The following MTHFD1 variants were observed in gnomAD, a reference collection of about 807,000 sequenced individuals.
The protein encoded by MTHFD1 is C-1-tetrahydrofolate synthase, cytoplasmic.
MTHFD1 carries 44 observed loss-of-function variants against 110.3 expected under a neutral mutation model. The observed-to-expected ratio is 0.40, with a 90% CI of 0.31 to 0.51. The LOEUF (loss-of-function observed/expected upper bound fraction) is 0.51. MTHFD1 is among the 20% of genes least tolerant of loss of function. The probability of loss-of-function intolerance (pLI) is 0.60; values close to 1 mark genes in which losing one functional copy is unlikely to be tolerated. For missense variants in MTHFD1, 909 were observed against 1,173.1 expected, an observed-to-expected ratio of 0.77 and a Z score of 3.29; for synonymous variants, 402 against 428.8, an observed-to-expected ratio of 0.94 and a Z score of 0.77.
chr14:64,446,174 A>G (rs1190927508), intron 22 of MTHFD1, among the ~76,000 whole-genome samples: 1 of 152,230 alleles, frequency 6.6e-6, no homozygotes, highest in African/African-American at 2.4e-5. Context: ...AGAATGTAAT[A>G]TATGTGAGTT....
At chr14:64,456,788 G>A (rs1336710187) in intron 26 of MTHFD1, among the ~76,000 whole-genome samples, 31 of 152,202 alleles carry the variant, frequency 2.0e-4, no homozygotes, top group Non-Finnish European at 1.5e-5. Context: ...TTGGTACTCA[G>A]AAGTCAGTCA....
At chr14:64,395,600 G>A (rs2077841711) in intron 1 of MTHFD1, among the ~76,000 whole-genome samples, 4 of 152,236 alleles carry the variant, frequency 2.6e-5, no homozygotes, top group African/African-American at 7.2e-5. Flanking sequence ...AACCTAGTCC[G>A]TTTATTGCAT....
intron 9 of MTHFD1, 26 bp downstream of exon 9, chr14:64,424,957 A>G: frequency 6.2e-7 from 1 of 1,614,020 alleles, no homozygotes; most frequent in Non-Finnish European, 8.5e-7. Flanking sequence ...AGTTTCTATA[A>G]GAGTTCTGAA....
intron 2 of MTHFD1, among the ~76,000 whole-genome samples, chr14:64,403,369 G>T (rs2077913841): frequency 6.6e-6 from 1 of 151,906 alleles, no homozygotes; most frequent in African/African-American, 2.4e-5. Flanking sequence ...TTGCCTCCTG[G>T]GTTCAAGTGA....
chr14:64,450,439 C>G (rs922270961), intron 24 of MTHFD1, among the ~76,000 whole-genome samples: 1 of 152,154 alleles, frequency 6.6e-6, no homozygotes, highest in African/African-American at 2.4e-5. Context: ...CTCCAGGAAG[C>G]TTCATCATTT....
At chr14:64,413,591 A>G (rs564802842) in intron 4 of MTHFD1, among the ~76,000 whole-genome samples, 24 of 152,334 alleles carry the variant, frequency 1.6e-4, no homozygotes, top group Admixed American at 1.6e-3. Flanking sequence ...CACTAGCCCC[A>G]TGAGGCTATT....
chr14:64,457,044 TAGTG>T (rs1391139581), intron 26 of MTHFD1, among the ~76,000 whole-genome samples: 1 of 152,154 alleles, frequency 6.6e-6, no homozygotes, highest in Non-Finnish European at 1.5e-5. Context: ...TTTAGAAAAG[TAGTG>T]AGTACAAATA....
chr14:64,457,947 A>G (rs2078501945), intron 26 of MTHFD1: 2 of 558,650 alleles, frequency 3.6e-6, no homozygotes, highest in East Asian at 3.0e-5. Flanking sequence ...CGCCCAGGCA[A>G]TCGGATGATC....
intron 1 of MTHFD1, chr14:64,390,283 T>G (rs2077793795): frequency 6.6e-6 from 1 of 152,098 alleles, no homozygotes; most frequent in Non-Finnish European, 1.5e-5. Context: ...TAATCAGTAA[T>G]TAGTTAATGT....
intron 1 of MTHFD1, among the ~76,000 whole-genome samples, chr14:64,399,656 CAAAAA>C (rs34735594): frequency 3.5e-5 from 4 of 113,182 alleles, no homozygotes; most frequent in African/African-American, 3.8e-5. Flanking sequence ...GTCCCCATCT[CAAAAA>C]AAAAAAAAAA....
At chr14:64,442,000 T>G in intron 19 of MTHFD1, 54 bp from the exon 20 acceptor site, 1 of 1,157,002 alleles carries the variant, frequency 8.6e-7, no homozygotes, top group Non-Finnish European at 1.3e-6. Flanking sequence ...GAATGTGTGA[T>G]CCCACTTTGA....
At chr14:64,393,379 C>T (rs1005592052) in intron 1 of MTHFD1, among the ~76,000 whole-genome samples, 1 of 151,922 alleles carries the variant, frequency 6.6e-6, no homozygotes, top group African/African-American at 2.4e-5. Context: ...TGCACTCCAG[C>T]CTGGGCAACA....
chr14:64,446,652 C>T (rs1020690277), intron 22 of MTHFD1, among the ~76,000 whole-genome samples: 20 of 152,180 alleles, frequency 1.3e-4, no homozygotes, highest in African/African-American at 3.4e-4. Context: ...CACCATTCTC[C>T]TGCCTCAGCC....
intron 7 of MTHFD1, among the ~76,000 whole-genome samples, chr14:64,419,498 C>T (rs1381839545): frequency 6.6e-6 from 1 of 152,224 alleles, no homozygotes; most frequent in East Asian, 1.9e-4. Flanking sequence ...GGAGAAGGAG[C>T]AGTGTCTGGA....
intron 1 of MTHFD1, among the ~76,000 whole-genome samples, chr14:64,394,352 C>T (rs976054043): frequency 6.6e-6 from 1 of 152,136 alleles, no homozygotes; most frequent in African/African-American, 2.4e-5. Flanking sequence ...GAATTGCAAA[C>T]TTCTACCCTC....
Position 64,454,822 on chromosome 14 carries a change from C to A in MTHFD1, c.2665C>A (p.Arg889Ser), listed in dbSNP as rs767011731. The A allele has an allele frequency of 4.3e-6, 7 of 1,614,192 alleles. No homozygotes were observed. In the South Asian group the frequency reaches 7.7e-5, roughly 18 times the overall value. Residue 889 changes from arginine (R) to serine (S), a missense_variant, in exon 26 of 28, where the codon CGC becomes AGC. Physicochemically the swap from Arg to Ser is moderately radical, Grantham distance 110. This residue lies in a region of MTHFD1 where 482 missense variants were observed against 646.0 expected (regional missense o/e 0.75). Transcript: ENST00000652337. Reference sequence around the variant, plus strand: ...CCCTACAGGCTTCATTCTGCCCATTCGCGACATCCGCGCCAGCGTTGGGGC... The same window carrying A: ...CCCTACAGGCTTCATTCTGCCCATTAGCGACATCCGCGCCAGCGTTGGGGC... ...GVPTGFILPI[R>S]DIRASVGAGF...
intron 1 of MTHFD1, among the ~76,000 whole-genome samples, chr14:64,395,782 ACAAAGGATG>A (rs1470095048): frequency 6.6e-6 from 1 of 152,180 alleles, no homozygotes; most frequent in Non-Finnish European, 1.5e-5. Flanking sequence ...AGTCCCCATA[ACAAAGGATG>A]ATCTGGTCCA....
chr14:64,420,216 T>C (rs912808877), intron 8 of MTHFD1, among the ~76,000 whole-genome samples: 5 of 152,100 alleles, frequency 3.3e-5, no homozygotes, highest in Non-Finnish European at 7.4e-5. Context: ...CACTTTATCT[T>C]CATGTAGAGA....
intron 8 of MTHFD1, among the ~76,000 whole-genome samples, chr14:64,421,537 T>C (rs914080924): frequency 2.6e-5 from 4 of 152,254 alleles, no homozygotes; most frequent in African/African-American, 9.6e-5. Context: ...TAACAGGCGA[T>C]AAAGAAATTG....
Sources: gnomAD v4.1 joint callset for allele counts (sites outside exome capture counted in the v4.1 genomes callset) on GRCh38, gnomAD v4.1.1 for gene constraint, gnomAD v4.1.1 regional missense constraint, MANE v1.5 for transcripts, NCBI Gene and HGNC (gene_info 2026-07-23, HGNC 2026-07-21) for gene names.